The following DERA variants were observed in gnomAD, a reference collection of about 807,000 sequenced individuals.
The protein encoded by DERA is deoxyribose-phosphate aldolase, also known as 2-deoxy-D-ribose 5-phosphate aldolase.
Under a neutral mutation model 41.1 loss-of-function variants are expected in DERA, and 15 were observed. The ratio of observed to expected loss-of-function variants is 0.37; its 90% CI spans 0.24 to 0.56. DERA has a LOEUF of 0.56. Among genes scored for constraint, DERA ranks in the 20% least tolerant of loss-of-function variants. DERA has a pLI of 0.81. For missense variants in DERA, 396 were observed against 403.4 expected (o/e 0.98, Z 0.16); for synonymous variants, 139 against 137.4 (o/e 1.01, Z -0.08).
At chr12:15,914,393 T>TAA (rs1185673228) in intron 1 of DERA, among the ~76,000 whole-genome samples, 7 of 55,018 alleles carry the variant, frequency 1.3e-4, no homozygotes, top group South Asian at 1.2e-3. Flanking sequence ...TCAAAAAAGA[T>TAA]AAAAAAAAAA....
chr12:15,942,733 A>G lies in DERA; in HGVS notation c.32-14203A>G, dbSNP rs1241821844. On this transcript the variant is annotated intron_variant, in intron 1 of 8. Coordinates refer to ENST00000428559, the MANE Select transcript of DERA (RefSeq NM_015954.4). ...GAGTCAAGTTTTGGTTTTCTTTTAG[A>G]GTGAAACACTTGGTAAAGTAACACT... Among the ~76,000 whole-genome samples, 4 of 152,304 alleles carry G rather than the reference A, an allele frequency of 2.6e-5. No homozygotes were observed. The East Asian group carries it at 7.7e-4, about 29-fold the overall frequency.
chr12:16,032,119 G>A (rs904811589), intron 6 of DERA, among the ~76,000 whole-genome samples: 7 of 152,286 alleles, frequency 4.6e-5, no homozygotes, highest in African/African-American at 1.7e-4. Flanking sequence ...TGTCACAACT[G>A]TATACTGTGT....
chr12:15,956,457 GCAGTAGGTATTA>G (rs1318843299), intron 1 of DERA: 1 of 261,400 alleles, frequency 3.8e-6, no homozygotes, highest in Non-Finnish European at 7.5e-6. Flanking sequence ...CTGTCAGCAT[GCAGTAGGTATTA>G]ATCTTGCCAG....
At chr12:15,961,181 A>G (rs1948585235) in intron 4 of DERA, among the ~76,000 whole-genome samples, 1 of 152,250 alleles carries the variant, frequency 6.6e-6, no homozygotes, top group African/African-American at 2.4e-5. Context: ...AAAGCCACAC[A>G]AAACCTAGAA....
chr12:16,030,992 C>T (rs1295835625), intron 6 of DERA, among the ~76,000 whole-genome samples: 1 of 152,220 alleles, frequency 6.6e-6, no homozygotes, highest in Non-Finnish European at 1.5e-5. Context: ...TGCAGTCCTA[C>T]TTAAGTCCTT....
intron 6 of DERA, among the ~76,000 whole-genome samples, chr12:15,987,771 G>A (rs537992636): frequency 1.3e-4 from 19 of 151,844 alleles, no homozygotes; most frequent in Admixed American, 5.2e-4. Context: ...AGAAACCTCC[G>A]TGCACTTCTG....
At position 16,019,075 on chromosome 12, in the gene DERA, T is replaced by C. The variant is rs1949002446; in HGVS notation, c.638-13467T>C. 6.6e-6 allele frequency among the ~76,000 whole-genome samples: 1 copy of C among 152,198 alleles called. No individual in the cohort carries two copies. Among genetic ancestry groups the C allele is most frequent in the Non-Finnish European group, 1.5e-5 (1 of 68,026 alleles). On this transcript the variant is annotated intron_variant, in intron 6 of 8. Transcript: ENST00000428559. This position sits in a 1 kb window ranked among gnomAD's most constrained non-coding sequence, Gnocchi z 4.4. ...GAGAGTCTGTAGTGCTGTGTGGTGT[T>C]GGTAATTCAAAATGTAGCATTTATT...
At chr12:15,997,070 A>G (rs916294982) in intron 6 of DERA, among the ~76,000 whole-genome samples, 1 of 152,228 alleles carries the variant, frequency 6.6e-6, no homozygotes, top group Admixed American at 6.5e-5. Flanking sequence ...TTTGGGACCT[A>G]TGGGTTTTTC....
chr12:16,028,104 C>G (rs1046696555), intron 6 of DERA, among the ~76,000 whole-genome samples: 1 of 152,182 alleles, frequency 6.6e-6, no homozygotes, highest in South Asian at 2.1e-4. Context: ...GTGAGCATAC[C>G]TAGCACCCAT....
chr12:15,966,522 C>A lies in DERA; in HGVS notation c.508+3575C>A, dbSNP rs1948624304. Reference sequence around the variant, plus strand: ...ATTTATTTGTTTGTCTTGAGAAGTTCAAACTAATATACTAATGACCTGTCA... The same window carrying A: ...ATTTATTTGTTTGTCTTGAGAAGTTAAAACTAATATACTAATGACCTGTCA... On this transcript the variant is annotated intron_variant, in intron 5 of 8. Transcript: ENST00000428559. This position sits in a 1 kb window ranked among gnomAD's most constrained non-coding sequence, Gnocchi z 5.1. 6.6e-6 allele frequency among the ~76,000 whole-genome samples: 1 copy of A among 151,950 alleles called. No individual in the cohort carries two copies. Among genetic ancestry groups the A allele is most frequent in the African/African-American group, 2.4e-5 (1 of 41,372 alleles).
Position 15,911,346 on chromosome 12 carries a change from G to A in DERA, c.-38G>A. 1 of 1,434,716 alleles carries A rather than the reference G, an allele frequency of 7.0e-7. No individual in the cohort carries two copies. Among genetic ancestry groups the A allele is most frequent in the Non-Finnish European group, 9.1e-7 (1 of 1,103,546 alleles). The allele number at this position is 1,434,716 out of a possible 1,614,324, so 88.9% of individuals were successfully genotyped here. ...AAGGGCCGGGCGCGGCGCAGAGGCG[G>A]GCGCCTACCAGCCGGCAGCTCCGGA... On this transcript the variant is annotated 5_prime_UTR_variant, in exon 1 of 9. Transcript: ENST00000428559. The surrounding 1 kb of genome is among the most constrained non-coding windows in gnomAD (Gnocchi z 4.5).
At position 16,019,653 on chromosome 12, in the gene DERA, G is replaced by A. The variant is rs1286154969; in HGVS notation, c.638-12889G>A. ...TCTTTTTATGGTGGTGTTCTTCCAT[G>A]TGTGCCCTCTCATCTTTAAATTTTG... On this transcript the variant is annotated intron_variant, in intron 6 of 8. Transcript: ENST00000428559. The surrounding 1 kb of genome is among the most constrained non-coding windows in gnomAD (Gnocchi z 4.4). 6.6e-6 allele frequency among the ~76,000 whole-genome samples: 1 copy of A among 152,072 alleles called. No individual in the cohort carries two copies. The highest frequency in any genetic ancestry group is 1.5e-5 in the Non-Finnish European group (1 of 68,022).
At position 15,982,530 on chromosome 12, in the gene DERA, C is replaced by A; in HGVS notation, c.637+94C>A. 2 of 1,367,564 alleles carry A rather than the reference C, an allele frequency of 1.5e-6. No individual in the cohort carries two copies. Among genetic ancestry groups the A allele is most frequent in the Non-Finnish European group, 2.0e-6 (2 of 1,018,602 alleles). The allele number at this position is 1,367,564 out of a possible 1,614,324, so 84.7% of individuals were successfully genotyped here. A position where few individuals can be genotyped will look rare whatever the true frequency, so the allele number is the denominator to read the frequency against. On this transcript the variant is annotated intron_variant, in intron 6 of 8. Coordinates refer to ENST00000428559, the MANE Select transcript of DERA (RefSeq NM_015954.4). The surrounding 1 kb of genome is among the most constrained non-coding windows in gnomAD (Gnocchi z 4.0). Reference sequence around the variant, plus strand: ...AAGCATTTAGCTATTATTAAACGTGCTAACCACTTGGAATTTTTTTGCGGG... The same window carrying A: ...AAGCATTTAGCTATTATTAAACGTGATAACCACTTGGAATTTTTTTGCGGG...
Position 15,928,164 on chromosome 12 carries a change from C to A in DERA, c.31+16750C>A, listed in dbSNP as rs1342865119. ...GAATGTCTGAAATTTACTCTCTTAG[C>A]CGTTTTGAAACATACATGAGTATTA... On this transcript the variant is annotated intron_variant, in intron 1 of 8. Coordinates refer to ENST00000428559, the MANE Select transcript of DERA (RefSeq NM_015954.4). The surrounding 1 kb of genome is among the most constrained non-coding windows in gnomAD (Gnocchi z 4.6). Among the ~76,000 whole-genome samples the A allele has an allele frequency of 6.6e-6, 1 of 152,154 alleles. No individual in the cohort carries two copies. The highest frequency in any genetic ancestry group is 1.9e-4 in the East Asian group (1 of 5,192).
intron 1 of DERA, among the ~76,000 whole-genome samples, chr12:15,912,902 G>A (rs940728078): frequency 2.0e-5 from 3 of 152,186 alleles, no homozygotes; most frequent in African/African-American, 7.2e-5. Flanking sequence ...TTTAGTCACT[G>A]TCCTCTAGCT....
rs1325812144 is a variant in DERA at position 15,967,818 on chromosome 12, T to C, written c.508+4871T>C. ...TAACTACATTTCTCACTTACCACCA[T>C]AGTTTTAACCCTATAGGGTGTGGCA... On this transcript the variant is annotated intron_variant, in intron 5 of 8. Coordinates refer to ENST00000428559, the MANE Select transcript of DERA (RefSeq NM_015954.4). The surrounding 1 kb of genome is among the most constrained non-coding windows in gnomAD (Gnocchi z 4.9). 2.0e-5 allele frequency among the ~76,000 whole-genome samples: 3 copies of C among 152,228 alleles called. No individual in the cohort carries two copies. Among genetic ancestry groups the C allele is most frequent in the Non-Finnish European group, 4.4e-5 (3 of 68,042 alleles).
chr12:16,033,083 A>C lies in DERA; in HGVS notation c.750+429A>C, dbSNP rs572978801. The C allele has an allele frequency of 2.4e-5, 4 of 169,528 alleles. No individual in the cohort carries two copies. In the South Asian group the frequency reaches 5.7e-4, roughly 24 times the overall value. The allele number at this position is 169,528 out of a possible 1,614,324, so 10.5% of individuals were successfully genotyped here. ...TGCAGAGTAACATTTATTGAATGAT[A>C]AGCTGTGGTGGTGATATGAAAGGTA... On this transcript the variant is annotated intron_variant, in intron 7 of 8. Coordinates refer to ENST00000428559, the MANE Select transcript of DERA (RefSeq NM_015954.4).
At position 15,911,387 on chromosome 12, in the gene DERA, T is replaced by G; in HGVS notation, c.4T>G (p.Ser2Ala). 4 of 1,406,106 alleles carry G rather than the reference T, an allele frequency of 2.8e-6. No homozygotes were observed. In the African/African-American group the frequency reaches 6.1e-5, roughly 21 times the overall value. The allele number at this position is 1,406,106 out of a possible 1,614,324, so 87.1% of individuals were successfully genotyped here. ...CAGCTCCGGAGCTGCCCGCGCCATG[T>G]CCGCGCACAATCGGGGCACCGAGCT... Reference protein sequence around the residue: MSAHNRGTELDL... With the variant: MAAHNRGTELDL... The change falls in exon 1 of 9, where the codon TCC (serine) becomes GCC (alanine). Residue 2 changes from serine (S) to alanine (A), a missense_variant. Coordinates refer to ENST00000428559, the MANE Select transcript of DERA (RefSeq NM_015954.4). The surrounding 1 kb of genome is among the most constrained non-coding windows in gnomAD (Gnocchi z 4.5).
rs538799865 is a variant in DERA, at chr12:16,010,292, A to G, written c.638-22250A>G. ...TTAATGCATGACTTCTGCAGAGTCT[A>G]GGTCAGGACCATTCTTCCTGCCCCC... is the stretch of plus-strand genomic sequence containing the variant. On this transcript the variant is annotated intron_variant, in intron 6 of 8. Coordinates refer to ENST00000428559, the MANE Select transcript of DERA (RefSeq NM_015954.4). This position sits in a 1 kb window ranked among gnomAD's most constrained non-coding sequence, Gnocchi z 5.5. 1.2e-3 allele frequency among the ~76,000 whole-genome samples: 189 copies of G among 152,306 alleles called. 1 individual carries two copies. Among genetic ancestry groups the G allele is most frequent in the Middle Eastern group, 3.4e-3 (1 of 294 alleles).
Sources: allele counts gnomAD v4.1 joint callset (sites outside exome capture counted in the v4.1 genomes callset), GRCh38; gene constraint gnomAD v4.1.1; non-coding constraint Gnocchi (gnomAD v3.1); transcripts MANE v1.5; gene names NCBI Gene and HGNC (gene_info 2026-07-23, HGNC 2026-07-21).